CES3: variants seen among roughly 807,000 people sequenced by gnomAD.
The protein encoded by CES3 is carboxylesterase 3.
In CES3, 49 loss-of-function variants were observed where a neutral mutation model predicts 57.6. That is an observed-to-expected ratio of 0.85 (90% confidence interval 0.68 to 1.08). CES3 has a LOEUF of 1.08. Among genes scored for constraint, CES3 ranks in the 50% least tolerant of loss-of-function variants. The probability of loss-of-function intolerance (pLI) is 0.00; values close to 1 mark genes in which losing one functional copy is unlikely to be tolerated. For synonymous variants in CES3, 266 were observed against 281.6 expected, an observed-to-expected ratio of 0.94 and a Z score of 0.55; for missense variants, 645 against 742.0, an observed-to-expected ratio of 0.87 and a Z score of 1.52.
chr16:66,972,457 G>A lies in CES3; in HGVS notation c.1393G>A (p.Ala465Thr). The change falls in exon 11 of 13, where the codon GCT (alanine) becomes ACT (threonine). Residue 465 changes from alanine to threonine, a missense_variant. By Grantham distance (58) the Ala-to-Thr change is moderately conservative. Transcript: ENST00000303334. The part of the protein sequence containing the change: ...WVKADHGAEG[A>T]FVFGGPFLMD... ...GAAGGCTGATCATGGGGCCGAGGGT[G>A]CTTTTGTGTTCGGAGGTCCCTTCCT... 1 of 1,614,064 alleles carries A rather than the reference G, an allele frequency of 6.2e-7. No homozygotes were observed.
At position 66,963,399 on chromosome 16, in the gene CES3, G is replaced by A. The variant is rs369789048; in HGVS notation, c.287+16G>A. 6.2e-7 allele frequency: 1 copy of A among 1,611,932 alleles called. No homozygotes were observed. Among genetic ancestry groups the A allele is most frequent in the Non-Finnish European group, 8.5e-7 (1 of 1,179,064 alleles). On this transcript the variant is annotated intron_variant, in intron 2 of 12. Transcript: ENST00000303334. This position sits in a 1 kb window ranked among gnomAD's most constrained non-coding sequence, Gnocchi z 4.9. ...CGCCCCCAATGTGAGTAGTGCTGGTGGAGGCGGGCAAACAGGCAGGTTGCA... is the reference window on the plus strand; with the variant it reads ...CGCCCCCAATGTGAGTAGTGCTGGTAGAGGCGGGCAAACAGGCAGGTTGCA...
In CES3 at chr16:66,964,488, G is replaced by A; in HGVS notation, c.692G>A (p.Gly231Asp). ...GTCACTGTCTTTGGTGGATCTGCCGGTGGGAGCATCATCTCTGGCCTGGTA... is the reference window on the plus strand; with the variant it reads ...GTCACTGTCTTTGGTGGATCTGCCGATGGGAGCATCATCTCTGGCCTGGTA... ...NCVTVFGGSA[G>D]GSIISGLVLS... is the part of the protein sequence containing the mutation. The change falls in exon 5 of 13, where the codon GGT becomes GAT. Residue 231 changes from glycine (G) to aspartate (D), a missense_variant. Gly to Asp is a moderately conservative substitution (Grantham distance 94, BLOSUM62 -1). Transcript: ENST00000303334. 6.2e-7 allele frequency: 1 copy of A among 1,614,098 alleles called. No homozygotes were observed. Among genetic ancestry groups the A allele is most frequent in the Non-Finnish European group, 8.5e-7 (1 of 1,179,984 alleles).
rs755357080 is a variant in CES3, at chr16:66,963,177, A to G, written c.83-2A>G. 1.2e-6 allele frequency: 2 copies of G among 1,614,198 alleles called. No individual in the cohort carries two copies. The highest frequency in any genetic ancestry group is 3.3e-5 in the Admixed American group (2 of 60,030). On this transcript the variant is annotated splice_acceptor_variant, in intron 1 of 12. Coordinates refer to ENST00000303334, the MANE Select transcript of CES3 (RefSeq NM_024922.6). LOFTEE classifies it high-confidence loss of function. The surrounding 1 kb of genome is among the most constrained non-coding windows in gnomAD (Gnocchi z 4.9). ...CCCGTGGCCTTTCTGTCCTTCCCTC[A>G]GGGCCCGAAGTTGCTCAGCCTGAAG...
intron 7 of CES3, 84 bp from the exon 8 acceptor site, chr16:66,966,641 G>A: frequency 6.5e-7 from 1 of 1,528,648 alleles, no homozygotes; most frequent in Non-Finnish European, 9.0e-7. Context: ...AGACACTCAG[G>A]CCTGCAGCTC....
chr16:66,966,215 G>A (rs749614303), intron 6 of CES3, 29 bp from the exon 7 acceptor site: 5 of 1,603,206 alleles, frequency 3.1e-6, no homozygotes, highest in Admixed American at 3.3e-5. Context: ...TGGCTGAGAG[G>A]GAGGCATGAC....
Position 66,963,287 on chromosome 16 carries a change from C to A in CES3, c.191C>A (p.Pro64Gln). The A allele has an allele frequency of 8.1e-6, 13 of 1,613,610 alleles. No homozygotes were observed. The highest frequency in any genetic ancestry group is 1.1e-5 in the Non-Finnish European group (13 of 1,180,034). Residue 64 changes from proline to glutamine, a missense_variant, in exon 2 of 13, where the codon CCA becomes CAA. Physicochemically the swap from Pro to Gln is moderately conservative, Grantham distance 76. Transcript: ENST00000303334. This position sits in a 1 kb window ranked among gnomAD's most constrained non-coding sequence, Gnocchi z 4.9. The part of the protein sequence containing the change: ...DRLVNVFLGI[P>Q]FAQPPLGPDR... ...CTTGTGAATGTCTTTCTGGGCATTC[C>A]ATTTGCCCAGCCGCCACTGGGCCCT...
At chr16:66,971,133 T>C in intron 9 of CES3, 39 bp from the exon 10 acceptor site, 1 of 1,587,346 alleles carries the variant, frequency 6.3e-7, no homozygotes, top group Non-Finnish European at 8.6e-7. Flanking sequence ...GCCACATCTG[T>C]GCACCCTGAG....
rs1963727820 is a variant in CES3 at position 66,966,252 on chromosome 16, A to C, written c.828A>C (p.Ala276=). The C allele has an allele frequency of 4.3e-6, 7 of 1,613,160 alleles. No individual in the cohort carries two copies. In the East Asian group the frequency reaches 1.6e-4, roughly 36 times the overall value. Residue 276 remains alanine (A), a synonymous_variant, in exon 7 of 13, where the codon GCA becomes GCC. Transcript: ENST00000303334. ...CTTTCATTTGTCCCCAGAAAATCGC[A>C]AACACCTTGGCCTGCAGCTCCAGCT... ...SHPWPLAQKI[A]NTLACSSSSP...
chr16:66,964,838 C>A, intron 6 of CES3, 111 bp downstream of exon 6: 2 of 731,348 alleles, frequency 2.7e-6, no homozygotes, highest in East Asian at 2.8e-5. Context: ...TCCCTGTTAG[C>A]AAAGAGAAGC....
At chr16:66,965,423 G>A (rs1329589657) in intron 6 of CES3, among the ~76,000 whole-genome samples, 1 of 152,216 alleles carries the variant, frequency 6.6e-6, no homozygotes, top group Admixed American at 6.5e-5. Flanking sequence ...GAGCCATCGG[G>A]GAGAGAGGGG....
At chr16:66,966,679 G>A (rs137951496) in intron 7 of CES3, 46 bp from the exon 8 acceptor site, 23 of 1,612,114 alleles carry the variant, frequency 1.4e-5, no homozygotes, top group South Asian at 2.2e-5. Context: ...TAGCCTTTGA[G>A]GCTTGGCCCT....
At chr16:66,967,650 T>C in intron 8 of CES3, 1 of 984,706 alleles carries the variant, frequency 1.0e-6, no homozygotes, top group Non-Finnish European at 1.2e-6. Context: ...CTTATTCTTC[T>C]ACCCATCTTC....
chr16:66,966,049 G>A (rs1336568635), intron 6 of CES3, among the ~76,000 whole-genome samples, 195 bp from the exon 7 acceptor site: 1 of 152,094 alleles, frequency 6.6e-6, no homozygotes, highest in Admixed American at 6.5e-5. Context: ...ACGCAAGGGG[G>A]CCCTTGGGAC....
chr16:66,966,575 TC>T (rs1056684487), intron 7 of CES3, 149 bp from the exon 8 acceptor site: 218 of 1,033,036 alleles, frequency 2.1e-4, no homozygotes, highest in Middle Eastern at 6.4e-4. Flanking sequence ...ATCTCCTGGT[TC>T]CCCCGACCCC....
intron 4 of CES3, 22 bp from the exon 5 acceptor site, chr16:66,964,335 G>C: frequency 6.2e-7 from 1 of 1,611,186 alleles, no homozygotes; most frequent in Non-Finnish European, 8.5e-7. Context: ...TGAACTAACC[G>C]TTGCCCCAAC....
chr16:66,961,672 T>C (rs1304421462), intron 1 of CES3, among the ~76,000 whole-genome samples: 1 of 152,136 alleles, frequency 6.6e-6, no homozygotes, highest in Non-Finnish European at 1.5e-5. Context: ...CAAGCGATTC[T>C]CCTGCCTCAG....
Position 66,969,932 on chromosome 16 carries a change from A to G in CES3, c.1143+173A>G, listed in dbSNP as rs144109100. ...TACTTCCACTCCGGAATCTCCTTAGATATGAGCCAGTGTGGTTCTCAAAGG... is the reference window on the plus strand; with the variant it reads ...TACTTCCACTCCGGAATCTCCTTAGGTATGAGCCAGTGTGGTTCTCAAAGG... On this transcript the variant is annotated intron_variant, in intron 9 of 12. Coordinates refer to ENST00000303334, the MANE Select transcript of CES3 (RefSeq NM_024922.6). Among the ~76,000 whole-genome samples the G allele has an allele frequency of 2.8e-4, 42 of 152,200 alleles. No individual in the cohort carries two copies. In the East Asian group the frequency reaches 7.9e-3, roughly 29 times the overall value.
At chr16:66,969,022 C>T (rs935249046) in intron 8 of CES3, among the ~76,000 whole-genome samples, 1 of 152,218 alleles carries the variant, frequency 6.6e-6, no homozygotes, top group African/African-American at 2.4e-5. Context: ...CCAAGGGAAC[C>T]CCAACCTGGC....
intron 7 of CES3, 66 bp from the exon 8 acceptor site, chr16:66,966,659 G>A: frequency 1.3e-6 from 2 of 1,597,956 alleles, no homozygotes; most frequent in South Asian, 2.2e-5. Context: ...CTCAGTGGCT[G>A]CTGGGGTCCT....
Sources: gnomAD v4.1 joint callset for allele counts (sites outside exome capture counted in the v4.1 genomes callset) on GRCh38, gnomAD v4.1.1 for gene constraint, Gnocchi (gnomAD v3.1) non-coding constraint, MANE v1.5 for transcripts, NCBI Gene and HGNC (gene_info 2026-07-23, HGNC 2026-07-21) for gene names.